The following LARP1 variants were observed in gnomAD, a reference collection of about 807,000 sequenced individuals.
The protein encoded by LARP1 is la-related protein 1.
A neutral mutation model predicts 122.7 loss-of-function variants in LARP1; 36 were observed. The ratio of observed to expected loss-of-function variants is 0.29; its 90% CI spans 0.22 to 0.39. The LOEUF (loss-of-function observed/expected upper bound fraction) is 0.39, where lower values mean the gene tolerates loss of function less well. LARP1 is among the 10% of genes least tolerant of loss of function. The pLI, the probability that LARP1 is intolerant of heterozygous loss-of-function variation, is 1.00. For missense variants in LARP1, 1,040 were observed against 1,403.6 expected (o/e 0.74, Z 4.14); for synonymous variants, 539 against 528.7 (o/e 1.02, Z -0.27).
intron 1 of LARP1, among the ~76,000 whole-genome samples, chr5:154,725,507 G>A (rs543971823): frequency 1.8e-4 from 28 of 151,780 alleles, no homozygotes; most frequent in African/African-American, 6.5e-4. Flanking sequence ...CTATGATTAT[G>A]CCACTGCACT....
At chr5:154,789,031 G>A (rs1757117823) in intron 1 of LARP1, among the ~76,000 whole-genome samples, 1 of 151,754 alleles carries the variant, frequency 6.6e-6, no homozygotes, top group African/African-American at 2.4e-5. Flanking sequence ...GGCCAACATG[G>A]TGAAACCCAT....
At chr5:154,791,733 A>G (rs1757369551) in intron 3 of LARP1, among the ~76,000 whole-genome samples, 1 of 152,120 alleles carries the variant, frequency 6.6e-6, no homozygotes. Flanking sequence ...GGACCTACAT[A>G]TATGAAAAGT....
At chr5:154,746,274 C>G (rs78700152) in intron 1 of LARP1, among the ~76,000 whole-genome samples, 4,755 of 152,326 alleles carry the variant, frequency 0.031, 117 homozygotes, top group Non-Finnish European at 0.045. Context: ...CTGGGCCCTT[C>G]TGTCTTGGAG....
At chr5:154,711,769 C>T (rs947578802), upstream of LARP1, among the ~76,000 whole-genome samples, 8 of 152,262 alleles carry the variant, frequency 5.3e-5, no homozygotes, top group Non-Finnish European at 1.0e-4. Context: ...GTAGTGACAG[C>T]AGCTTTCTTT....
chr5:154,790,671 T>C lies in LARP1; in HGVS notation c.525T>C (p.Asn175=). 8 of 1,614,196 alleles carry C rather than the reference T, an allele frequency of 5.0e-6. No individual in the cohort carries two copies. Among genetic ancestry groups the C allele is most frequent in the Non-Finnish European group, 6.8e-6 (8 of 1,180,022 alleles). ...SKVGDFGDAI[N]WPTPGEIAHK... is the part of the protein sequence containing the mutation. The stretch of plus-strand genomic sequence containing the variant: ...TTGGTGACTTTGGAGATGCAATCAA[T>C]TGGCCCACACCTGGAGAGATAGCCC... Residue 175 remains asparagine (N), a synonymous_variant, in exon 3 of 19, where the codon AAT becomes AAC. Coordinates refer to ENST00000518297, the MANE Select transcript of LARP1 (RefSeq NM_033551.3).
At chr5:154,685,552 C>G (rs1481669024) in intron 1 of LARP1, among the ~76,000 whole-genome samples, 1 of 152,182 alleles carries the variant, frequency 6.6e-6, no homozygotes, top group Non-Finnish European at 1.5e-5. Flanking sequence ...CAGGGAACAT[C>G]TCTTTGGGCT....
Position 154,799,903 on chromosome 5 carries a change from C to G in LARP1, c.1577C>G (p.Thr526Ser). ...ESAPGSPRAV[T>S]PVPTKTEEVS... ...GCACCTGGCTCTCCTCGTGCAGTCA[C>G]CCCAGTGCCAACCAAAACAGAGGAG... Residue 526 changes from threonine to serine, a missense_variant, in exon 10 of 19, where the codon ACC (threonine) becomes AGC (serine). Coordinates refer to ENST00000518297, the MANE Select transcript of LARP1 (RefSeq NM_033551.3). 6.2e-7 allele frequency: 1 copy of G among 1,614,154 alleles called. No homozygotes were observed.
At chr5:154,693,424 T>C (rs1470316093) in intron 1 of LARP1, among the ~76,000 whole-genome samples, 1 of 152,170 alleles carries the variant, frequency 6.6e-6, no homozygotes, top group Admixed American at 6.5e-5. Flanking sequence ...GGAATTCTCA[T>C]TGGTTTACAG....
At chr5:154,772,731 G>A (rs1031037682) in intron 1 of LARP1, among the ~76,000 whole-genome samples, 2 of 151,998 alleles carry the variant, frequency 1.3e-5, no homozygotes, top group African/African-American at 4.8e-5. Context: ...CTTGTTGCCC[G>A]GGCTGGAGTG....
intron 1 of LARP1, among the ~76,000 whole-genome samples, chr5:154,716,864 G>A (rs1755537035): frequency 6.6e-6 from 1 of 152,106 alleles, no homozygotes; most frequent in Non-Finnish European, 1.5e-5. Context: ...GTTTGAGACT[G>A]ACCTGGGCGA....
chr5:154,793,774 C>T (rs373821251), intron 5 of LARP1, 26 bp from the exon 6 acceptor site: 2 of 1,614,040 alleles, frequency 1.2e-6, no homozygotes, highest in African/African-American at 1.3e-5. Flanking sequence ...ACCCTCAGGC[C>T]TGACCTGGTA....
At chr5:154,694,977 C>T (rs1408221965) in intron 1 of LARP1, among the ~76,000 whole-genome samples, 1 of 149,268 alleles carries the variant, frequency 6.7e-6, no homozygotes, top group Non-Finnish European at 1.5e-5. Context: ...GTTGGGATTA[C>T]AGGCGTGAGC....
chr5:154,760,528 G>A (rs1013764467), intron 1 of LARP1, among the ~76,000 whole-genome samples: 4 of 152,290 alleles, frequency 2.6e-5, no homozygotes, highest in Admixed American at 2.0e-4. Flanking sequence ...AGCCTAAGTC[G>A]ATGGCTTGGG....
rs143899837 is a variant in LARP1, at chr5:154,799,620, C to T, written c.1407C>T (p.Ile469=). The change falls in exon 9 of 19, where the codon ATC becomes ATT. Residue 469 remains isoleucine, a synonymous_variant. Transcript: ENST00000518297. ...AALKDSKVVE[I]VDEKVRRREE... ...TAAAGGACAGCAAGGTGGTGGAGAT[C>T]GTTGATGAGAAAGTTCGTAGGAGGG... The T allele has an allele frequency of 1.5e-5, 24 of 1,614,032 alleles. No individual in the cohort carries two copies. The highest frequency in any genetic ancestry group is 2.2e-5 in the East Asian group (1 of 44,892).
Position 154,791,138 on chromosome 5 carries a change from T to G in LARP1, c.564+428T>G, listed in dbSNP as rs1347953670. On this transcript the variant is annotated intron_variant, in intron 3 of 18. Transcript: ENST00000518297. ...GGCCTCTCAGTGTTTTTTGTTGTTTTTTTTTTTTTTTTTTGAGATGGAGTC... is the reference window on the plus strand; with the variant it reads ...GGCCTCTCAGTGTTTTTTGTTGTTTGTTTTTTTTTTTTTTGAGATGGAGTC... Among the ~76,000 whole-genome samples the G allele has an allele frequency of 2.9e-3, 429 of 148,622 alleles. 3 individuals are homozygous for G. The highest frequency in any genetic ancestry group is 9.9e-3 in the African/African-American group (399 of 40,472).
intron 1 of LARP1, among the ~76,000 whole-genome samples, chr5:154,721,276 G>A (rs372663634): frequency 3.0e-3 from 447 of 151,306 alleles, no homozygotes; most frequent in Admixed American, 7.1e-3. Context: ...AAGCCTAGGA[G>A]GTCGAGGTTG....
At chr5:154,727,787 A>G (rs536465076) in intron 1 of LARP1, among the ~76,000 whole-genome samples, 2 of 152,308 alleles carry the variant, frequency 1.3e-5, no homozygotes, top group African/African-American at 4.8e-5. Flanking sequence ...TTAAAATGAT[A>G]ATAAATAAAA....
chr5:154,709,705 G>A (rs1208454035), upstream of LARP1, among the ~76,000 whole-genome samples: 2 of 149,920 alleles, frequency 1.3e-5, no homozygotes, highest in East Asian at 3.9e-4. Flanking sequence ...AAGAGGCGCA[G>A]ATGGAAGCAG....
intron 1 of LARP1, among the ~76,000 whole-genome samples, chr5:154,759,851 G>A (rs1371209828): frequency 6.6e-6 from 1 of 152,200 alleles, no homozygotes; most frequent in Admixed American, 6.5e-5. Flanking sequence ...TAGGCTTTAT[G>A]TTAGATGCTA....
Sources: allele counts gnomAD v4.1 joint callset (sites outside exome capture counted in the v4.1 genomes callset), GRCh38; gene constraint gnomAD v4.1.1; transcripts MANE v1.5; gene names NCBI Gene and HGNC (gene_info 2026-07-23, HGNC 2026-07-21).